MCF2: variants seen among roughly 807,000 people sequenced by gnomAD.
MCF2 encodes the protein MCF.2 cell line derived transforming sequence, also known as proto-oncogene DBL.
A neutral mutation model predicts 82.5 loss-of-function variants in MCF2; 44 were observed. That is an observed-to-expected ratio of 0.53 (90% CI 0.42 to 0.69). The LOEUF (loss-of-function observed/expected upper bound fraction) is 0.69, where lower values mean the gene tolerates loss of function less well. Among genes scored for constraint, MCF2 ranks in the 30% least tolerant of loss-of-function variants. MCF2 has a pLI of 0.00. For missense variants in MCF2, 623 were observed against 663.1 expected (o/e 0.94, Z 0.66); for synonymous variants, 217 against 224.9 (o/e 0.96, Z 0.32).
intron 24 of MCF2, among the ~76,000 whole-genome samples, chrX:139,583,868 G>T (rs1032160971): frequency 1.8e-5 from 2 of 111,591 alleles, no homozygotes; most frequent in African/African-American, 6.5e-5. Flanking sequence ...GGAACTGCAG[G>T]TATAGACAAT....
chrX:139,641,195 A>T (rs1170277312), intron 1 of MCF2, among the ~76,000 whole-genome samples: 1 of 106,958 alleles, frequency 9.3e-6, no homozygotes, highest in Non-Finnish European at 1.9e-5. Context: ...TATATATATA[A>T]ATATATGTAT....
At chrX:139,626,796 T>C in intron 4 of MCF2, 40 bp from the exon 8 acceptor site, 1 of 1,135,378 alleles carries the variant, frequency 8.8e-7, no homozygotes, top group Non-Finnish European at 1.2e-6. Context: ...TAATTAGTAA[T>C]CCAACCTGAA....
At chrX:139,582,636 AT>A in intron 24 of MCF2, 133 bp from the exon 29 acceptor site, 2 of 424,283 alleles carry the variant, frequency 4.7e-6, no homozygotes, top group South Asian at 1.0e-4. Context: ...GCTCTTTTAT[AT>A]GTTTTCCTTA....
At chrX:139,676,102 G>A (rs1474776167) in intron 1 of MCF2, among the ~76,000 whole-genome samples, 1 of 112,751 alleles carries the variant, frequency 8.9e-6, no homozygotes, top group Non-Finnish European at 1.9e-5. Context: ...AGTAGGCAAG[G>A]CTCTGTGGGC....
chrX:139,662,290 T>C (rs1463223485), intron 1 of MCF2, among the ~76,000 whole-genome samples: 1 of 111,737 alleles, frequency 8.9e-6, no homozygotes, highest in Non-Finnish European at 1.9e-5. Flanking sequence ...CCTAAATTGA[T>C]ATACAGATTG....
At chrX:139,640,505 C>T (rs1360952849) in intron 1 of MCF2, among the ~76,000 whole-genome samples, 3 of 111,244 alleles carry the variant, frequency 2.7e-5, no homozygotes, top group East Asian at 2.9e-4. Flanking sequence ...TTGCCCTTTT[C>T]GTCACATATA....
rs191856633 is a variant in MCF2 at position 139,691,730 on chromosome X, T to C, written c.-45+16376A>G. Among the ~76,000 whole-genome samples the C allele has an allele frequency of 6.0e-4, 31 of 51,858 alleles. 2 individuals are homozygous for C. In the East Asian group the frequency reaches 0.021, roughly 36 times the overall value. The allele number at this position is 51,858 out of a possible 115,157, so 45.0% of individuals were successfully genotyped here. A position where few individuals can be genotyped will look rare whatever the true frequency, so the allele number is the denominator to read the frequency against. The stretch of plus-strand genomic sequence containing the variant: ...CGCCACTGCAGCAGGAAAGTGTGTG[T>C]GTGCGCGGCGGGCGGGCGGGCGGGC... On this transcript the variant is annotated intron_variant, in intron 1 of 27. Transcript: ENST00000414978.
At position 139,617,780 on chromosome X, in the gene MCF2, A is replaced by C. The variant is rs1932033036; in HGVS notation, c.808-76T>G. The C allele has an allele frequency of 1.9e-5, 12 of 639,677 alleles. No individual in the cohort carries two copies. The South Asian group carries it at 7.5e-4, about 40-fold the overall frequency. 52.7% of individuals were successfully genotyped at this position (639,677 alleles called of 1,213,427 possible). On this transcript the variant is annotated intron_variant, in intron 7 of 24. Transcript: ENST00000370576. ...AGAGAAAAAAAGAAGAAAATAATTA[A>C]GAAGCAAAATGTTTGAGCAAGAAGG... is the stretch of plus-strand genomic sequence containing the variant.
chrX:139,610,409 A>C, intron 10 of MCF2, 71 bp from the exon 15 acceptor site: 1 of 583,916 alleles, frequency 1.7e-6, no homozygotes, highest in South Asian at 3.5e-5. Context: ...AAATACATAT[A>C]TATTTATTAA....
chrX:139,686,521 C>T (rs1053261586), intron 1 of MCF2, among the ~76,000 whole-genome samples: 2 of 106,069 alleles, frequency 1.9e-5, no homozygotes, highest in Non-Finnish European at 3.9e-5. Context: ...GACTCTATCT[C>T]GGAAAAAAAA....
At chrX:139,612,083 G>C (rs1367665606) in intron 10 of MCF2, among the ~76,000 whole-genome samples, 7 of 109,380 alleles carry the variant, frequency 6.4e-5, no homozygotes, top group Non-Finnish European at 1.3e-4. Context: ...ATAGCAGTGG[G>C]GATGAAAAAA....
intron 1 of MCF2, among the ~76,000 whole-genome samples, chrX:139,683,023 G>C (rs143071460): frequency 9.0e-5 from 10 of 111,509 alleles, no homozygotes; most frequent in African/African-American, 2.6e-4. Context: ...TTGACATCCT[G>C]GGCTTAAGTG....
chrX:139,696,948 A>T (rs1603310902), intron 1 of MCF2, among the ~76,000 whole-genome samples: 2 of 112,077 alleles, frequency 1.8e-5, no homozygotes, highest in East Asian at 5.6e-4. Context: ...CAAGTTTCAA[A>T]CATTAGGTTC....
At chrX:139,696,040 C>A (rs1041527810) in intron 1 of MCF2, among the ~76,000 whole-genome samples, 1 of 112,178 alleles carries the variant, frequency 8.9e-6, no homozygotes, top group African/African-American at 3.2e-5. Flanking sequence ...CTACACTACT[C>A]TATAATACAG....
At chrX:139,637,586 CA>C (rs905103694) in intron 1 of MCF2, among the ~76,000 whole-genome samples, 1 of 111,109 alleles carries the variant, frequency 9.0e-6, no homozygotes, top group African/African-American at 3.3e-5. Flanking sequence ...GAGAGTTGGA[CA>C]GGGGTGGAAA....
At chrX:139,587,903 C>CTAAT (rs1381992265) in intron 21 of MCF2, 115 bp from the exon 26 acceptor site, 1 of 459,894 alleles carries the variant, frequency 2.2e-6, no homozygotes, top group East Asian at 3.7e-5. Context: ...GCATCCTTGC[C>CTAAT]ATTAGACTTA....
intron 2 of MCF2, among the ~76,000 whole-genome samples, chrX:139,650,086 G>A (rs1361898555): frequency 3.6e-5 from 4 of 111,322 alleles, no homozygotes; most frequent in African/African-American, 9.8e-5. Flanking sequence ...TGGGTGCGAC[G>A]GCTCATGCCT....
chrX:139,584,816 T>C (rs1214132596), intron 24 of MCF2, among the ~76,000 whole-genome samples: 1 of 111,878 alleles, frequency 8.9e-6, no homozygotes, highest in East Asian at 2.8e-4. Context: ...ACTGGGATTT[T>C]AGAGATTTGG....
At chrX:139,651,571 G>T in intron 2 of MCF2, 149 bp downstream of exon 2, 1 of 370,576 alleles carries the variant, frequency 2.7e-6, no homozygotes, top group Non-Finnish European at 4.8e-6. Context: ...GGTGCACAAT[G>T]TACAAATGTT....
Sources: gnomAD v4.1 joint callset for allele counts (sites outside exome capture counted in the v4.1 genomes callset) on GRCh38, gnomAD v4.1.1 for gene constraint, MANE v1.5 for transcripts, NCBI Gene and HGNC (gene_info 2026-07-23, HGNC 2026-07-21) for gene names.